GLB1L2: variants seen among roughly 807,000 people sequenced by gnomAD.
GLB1L2 encodes the protein galactosidase beta 1 like 2.
Under a neutral mutation model 84.1 loss-of-function variants are expected in GLB1L2, and 68 were observed. The ratio of observed to expected loss-of-function variants is 0.81; its 90% CI spans 0.67 to 0.99. The LOEUF (loss-of-function observed/expected upper bound fraction) is 0.99. Ranked by LOEUF, GLB1L2 falls within the 50% of genes least tolerant of loss-of-function variation. The pLI, the probability that GLB1L2 is intolerant of heterozygous loss-of-function variation, is 0.00. For missense variants in GLB1L2, 762 were observed against 805.6 expected (o/e 0.95, Z 0.66); for synonymous variants, 290 against 318.0 (o/e 0.91, Z 0.94).
intron 5 of GLB1L2, among the ~76,000 whole-genome samples, chr11:134,350,394 T>C (rs1418266093): frequency 6.6e-6 from 1 of 152,208 alleles, no homozygotes; most frequent in Non-Finnish European, 1.5e-5. Context: ...TCCTGTGCTG[T>C]GACAAGGCAG....
intron 1 of GLB1L2, among the ~76,000 whole-genome samples, chr11:134,333,728 G>T (rs899709996): frequency 6.6e-6 from 1 of 152,248 alleles, no homozygotes; most frequent in Admixed American, 6.5e-5. Context: ...TGAGGTAACT[G>T]TGTCCCCACC....
chr11:134,355,221 C>G, intron 5 of GLB1L2, among the ~76,000 whole-genome samples: 1 of 152,092 alleles, frequency 6.6e-6, no homozygotes, highest in East Asian at 1.9e-4. Flanking sequence ...TTGATATTCT[C>G]TTTTTCTTCA....
rs538715504 is a variant in GLB1L2, at chr11:134,361,894, T to C, written c.734-2434T>C. 1.5e-3 allele frequency among the ~76,000 whole-genome samples: 233 copies of C among 152,304 alleles called. 1 individual carries two copies. Among genetic ancestry groups the C allele is most frequent in the Non-Finnish European group, 2.8e-3 (190 of 68,030 alleles). On this transcript the variant is annotated intron_variant, in intron 7 of 18. Coordinates refer to ENST00000535456, the MANE Select transcript of GLB1L2 (RefSeq NM_001370461.1). ...ACAGGGGACTCCGGCTCCCGAGCGT[T>C]TCCTGGGTCTTCTTCCTCCTCGCCC...
At chr11:134,368,504 T>C (rs1460230353) in intron 9 of GLB1L2, 140 bp from the exon 10 acceptor site, 6 of 812,340 alleles carry the variant, frequency 7.4e-6, no homozygotes, top group Non-Finnish European at 1.2e-5. Flanking sequence ...TGGGGTTTTA[T>C]GAGAGCTAGA....
intron 5 of GLB1L2, among the ~76,000 whole-genome samples, chr11:134,355,297 T>A (rs1294435058): frequency 6.6e-6 from 1 of 152,208 alleles, no homozygotes; most frequent in Non-Finnish European, 1.5e-5. Flanking sequence ...TAGATCTTGC[T>A]CTACTGAGTC....
chr11:134,348,140 G>A (rs1422219958), intron 5 of GLB1L2, among the ~76,000 whole-genome samples: 1 of 152,118 alleles, frequency 6.6e-6, no homozygotes, highest in Non-Finnish European at 1.5e-5. Context: ...TCAAGTCAGT[G>A]GTATGGAATA....
rs778730918 is a variant in GLB1L2, at chr11:134,374,631, T to C, written c.1737T>C (p.Asn579=). ...EGWEKGVVFI[N]GQNLGRYWNI... is the part of the protein sequence containing the mutation. Reference sequence around the variant, plus strand: ...GGGAGAAGGGGGTTGTATTCATCAATGGCCAGAACCTTGGACGTTACTGGA... The same window carrying C: ...GGGAGAAGGGGGTTGTATTCATCAACGGCCAGAACCTTGGACGTTACTGGA... The change falls in exon 18 of 19, where the codon AAT becomes AAC. Residue 579 remains asparagine (N), a synonymous_variant. Coordinates refer to ENST00000535456, the MANE Select transcript of GLB1L2 (RefSeq NM_001370461.1). The C allele has an allele frequency of 1.9e-6, 3 of 1,613,938 alleles. No individual in the cohort carries two copies. Among genetic ancestry groups the C allele is most frequent in the Non-Finnish European group, 2.5e-6 (3 of 1,179,972 alleles).
Position 134,364,321 on chromosome 11 carries a change from T to C in GLB1L2, c.734-7T>C. 6.2e-7 allele frequency: 1 copy of C among 1,612,510 alleles called. No homozygotes were observed. Among genetic ancestry groups the C allele is most frequent in the African/African-American group, 1.3e-5 (1 of 75,002 alleles). ...TTTGTCTCTCTCTCTCCTCTTCCCT[T>C]TAACAGTCTTGGCCACCATCAACTT... is the stretch of plus-strand genomic sequence containing the variant. On this transcript the variant is annotated splice_polypyrimidine_tract_variant and splice_region_variant and intron_variant, in intron 7 of 18. Transcript: ENST00000535456.
At chr11:134,349,488 C>G (rs1263503663) in intron 5 of GLB1L2, among the ~76,000 whole-genome samples, 1 of 152,196 alleles carries the variant, frequency 6.6e-6, no homozygotes, top group Non-Finnish European at 1.5e-5. Flanking sequence ...ACTTGTCATT[C>G]TACATTCAGT....
intron 5 of GLB1L2, among the ~76,000 whole-genome samples, chr11:134,350,156 C>T (rs923074389): frequency 1.3e-5 from 2 of 152,230 alleles, no homozygotes; most frequent in Non-Finnish European, 2.9e-5. Flanking sequence ...TGTGCTAGTA[C>T]ACTGGCTGTA....
At position 134,374,345 on chromosome 11, in the gene GLB1L2, C is replaced by T. The variant is rs150024812; in HGVS notation, c.1707+89C>T. Reference sequence around the variant, plus strand: ...CCAAAGCCACGAGCTTGGCGAGAGTCGTTGGTGGCTTCTGTGCCCAGAGGG... The same window carrying T: ...CCAAAGCCACGAGCTTGGCGAGAGTTGTTGGTGGCTTCTGTGCCCAGAGGG... On this transcript the variant is annotated intron_variant, in intron 17 of 18. Coordinates refer to ENST00000535456, the MANE Select transcript of GLB1L2 (RefSeq NM_001370461.1). 4.0e-4 allele frequency: 443 copies of T among 1,102,188 alleles called. No homozygotes were observed. The African/African-American group carries it at 5.6e-3, about 14-fold the overall frequency. 68.3% of individuals were successfully genotyped at this position (1,102,188 alleles called of 1,614,324 possible).
At chr11:134,373,868 C>A in intron 16 of GLB1L2, 60 bp downstream of exon 16, 2 of 1,229,202 alleles carry the variant, frequency 1.6e-6, no homozygotes, top group Non-Finnish European at 2.4e-6. Flanking sequence ...GTGGTGGGGC[C>A]CAGGGGTCCC....
intron 5 of GLB1L2, among the ~76,000 whole-genome samples, chr11:134,354,475 C>A (rs368707431): frequency 1.1e-4 from 16 of 151,946 alleles, no homozygotes; most frequent in African/African-American, 2.9e-4. Flanking sequence ...TGCTGGAGAA[C>A]TTTATATTTT....
At position 134,332,086 on chromosome 11, in the gene GLB1L2, A is replaced by G; in HGVS notation, c.25A>G (p.Arg9Gly). 6.3e-7 allele frequency: 1 copy of G among 1,586,922 alleles called. No individual in the cohort carries two copies. Among genetic ancestry groups the G allele is most frequent in the Non-Finnish European group, 8.6e-7 (1 of 1,168,682 alleles). MTTWSLRR[R>G]PARTLGLLLL... ...GATGACCACGTGGAGCCTCCGGCGG[A>G]GGCCGGCCCGCACGCTGGGACTCCT... The change falls in exon 1 of 19, where the codon AGG becomes GGG. Residue 9 changes from arginine (R) to glycine (G), a missense_variant. Physicochemically the swap from Arg to Gly is moderately radical, Grantham distance 125. Around this residue, in one of 3 missense-constraint regions of GLB1L2, gnomAD observed 100 missense variants for 88.8 expected, o/e 1.13. Coordinates refer to ENST00000535456, the MANE Select transcript of GLB1L2 (RefSeq NM_001370461.1).
rs1022862586 is a variant in GLB1L2, at chr11:134,338,798, G to T, written c.87-3956G>T. Among the ~76,000 whole-genome samples the T allele has an allele frequency of 1.3e-5, 2 of 152,186 alleles. No homozygotes were observed. Among genetic ancestry groups the T allele is most frequent in the Non-Finnish European group, 2.9e-5 (2 of 68,028 alleles). On this transcript the variant is annotated intron_variant, in intron 1 of 18. Transcript: ENST00000535456. This position sits in a 1 kb window ranked among gnomAD's most constrained non-coding sequence, Gnocchi z 6.2. ...AGGATGGGCTGTAGAGGTCTTGTTA[G>T]GTTGTGCGCGGCCCCATCAGAAGTC...
intron 8 of GLB1L2, chr11:134,364,970 G>GCAGC (rs1943847688): frequency 6.5e-6 from 1 of 152,802 alleles, no homozygotes; most frequent in African/African-American, 2.4e-5. Context: ...GGGCCATGCT[G>GCAGC]CAGCCCTCTG....
rs137945398 is a variant in GLB1L2 at position 134,375,018 on chromosome 11, C to T, written c.1871C>T (p.Thr624Met). 1,285 of 1,613,888 alleles carry T rather than the reference C, an allele frequency of 8.0e-4. 2 individuals carry two copies. The highest frequency in any genetic ancestry group is 1.0e-3 in the Non-Finnish European group (1,190 of 1,179,968). The change falls in exon 19 of 19, where the codon ACG (threonine) becomes ATG (methionine). Residue 624 changes from threonine (T) to methionine (M), a missense_variant. By Grantham distance (81) the Thr-to-Met change is moderately conservative. Coordinates refer to ENST00000535456, the MANE Select transcript of GLB1L2 (RefSeq NM_001370461.1). The part of the protein sequence containing the change: ...ETMAGPALQF[T>M]ETPHLGRNQY... ...ATGGCGGGCCCTGCATTACAGTTCA[C>T]GGAAACCCCCCACCTGGGCAGGAAC... is the stretch of plus-strand genomic sequence containing the variant.
intron 15 of GLB1L2, 97 bp downstream of exon 15, chr11:134,371,927 T>C: frequency 8.3e-7 from 1 of 1,209,214 alleles, no homozygotes; most frequent in East Asian, 2.3e-5. Context: ...CATGGAGGCC[T>C]CTTGCAGGGA....
chr11:134,359,122 C>T lies in GLB1L2; in HGVS notation c.714C>T (p.Ser238=). 1 of 1,604,186 alleles carries T rather than the reference C, an allele frequency of 6.2e-7. No homozygotes were observed. Residue 238 remains serine, a synonymous_variant, in exon 7 of 19, where the codon AGC becomes AGT. Transcript: ENST00000535456. ...LLTSDNKDGL[S]KGIVQGVLAT... is the part of the protein sequence containing the mutation. ...CTTCAGACAACAAGGATGGGCTGAGCAAGGGGATTGTCCAGGGAGGTAACT... is the reference window on the plus strand; with the variant it reads ...CTTCAGACAACAAGGATGGGCTGAGTAAGGGGATTGTCCAGGGAGGTAACT...
Sources: allele counts gnomAD v4.1 joint callset (sites outside exome capture counted in the v4.1 genomes callset), GRCh38; gene constraint gnomAD v4.1.1; regional missense constraint gnomAD v4.1.1; non-coding constraint Gnocchi (gnomAD v3.1); transcripts MANE v1.5; gene names NCBI Gene and HGNC (gene_info 2026-07-23, HGNC 2026-07-21).